The following NRK variants were observed in gnomAD, a reference collection of about 807,000 sequenced individuals.
NRK encodes nik-related protein kinase.
Under a neutral mutation model 125.2 loss-of-function variants are expected in NRK, and 67 were observed. That is an observed-to-expected ratio of 0.54 (90% confidence interval 0.44 to 0.66). The LOEUF is 0.66. Among genes scored for constraint, NRK ranks in the 30% least tolerant of loss-of-function variants. The pLI, the probability that NRK is intolerant of heterozygous loss-of-function variation, is 0.00. For missense variants in NRK, 1,224 were observed against 1,192.9 expected, an observed-to-expected ratio of 1.03 and a Z score of -0.38; for synonymous variants, 458 against 429.0, an observed-to-expected ratio of 1.07 and a Z score of -0.84.
At chrX:105,875,550 A>T (rs1357223916) in intron 2 of NRK, among the ~76,000 whole-genome samples, 1 of 111,373 alleles carries the variant, frequency 9.0e-6, no homozygotes, top group Admixed American at 9.6e-5. Context: ...GACAGGACTT[A>T]ATAAATAATT....
At chrX:105,882,245 C>T (rs1428045413) in intron 4 of NRK, among the ~76,000 whole-genome samples, 2 of 109,247 alleles carry the variant, frequency 1.8e-5, no homozygotes, top group Non-Finnish European at 1.9e-5. Flanking sequence ...GAATGCCCCA[C>T]GTGCCCACCC....
At chrX:105,940,573 T>A (rs2147788755) in intron 23 of NRK, among the ~76,000 whole-genome samples, 1 of 111,381 alleles carries the variant, frequency 9.0e-6, no homozygotes, top group African/African-American at 3.3e-5. Flanking sequence ...CTGTTGATAT[T>A]AATGAATATA....
chrX:105,951,357 G>C, intron 27 of NRK, among the ~76,000 whole-genome samples: 1 of 110,975 alleles, frequency 9.0e-6, no homozygotes, highest in Non-Finnish European at 1.9e-5. Context: ...TCCTCAGACA[G>C]GACAACTTCT....
chrX:105,922,076 TAAC>T lies in NRK; in HGVS notation c.2610+17_2610+19del, dbSNP rs779763794. ...TTGACATCCATGTAAGTTTCCATCT[TAAC>T]ACATTAATGTCTATTATTTTTTATT... On this transcript the variant is annotated intron_variant, in intron 17 of 28. Transcript: ENST00000243300. 6.1e-6 allele frequency: 5 copies of T among 820,573 alleles called. No individual in the cohort carries two copies. The African/African-American group carries it at 1.0e-4, about 17-fold the overall frequency. 67.6% of individuals were successfully genotyped at this position (820,573 alleles called of 1,213,427 possible).
chrX:105,827,836 C>T (rs1353350166), intron 1 of NRK, among the ~76,000 whole-genome samples: 1 of 112,011 alleles, frequency 8.9e-6, no homozygotes, highest in Non-Finnish European at 1.9e-5. Flanking sequence ...GACATCAAGA[C>T]ATACCAAACC....
intron 19 of NRK, among the ~76,000 whole-genome samples, chrX:105,928,888 T>C (rs1242445103): frequency 8.9e-6 from 1 of 111,899 alleles, no homozygotes; most frequent in Admixed American, 9.5e-5. Flanking sequence ...TTGAGACTTG[T>C]TTTGTGTCCC....
rs761212430 is a variant in NRK at position 105,905,247 on chromosome X, A to G, written c.767-18A>G. 127 of 1,168,608 alleles carry G rather than the reference A, an allele frequency of 1.1e-4. 1 individual carries two copies. The East Asian group carries it at 3.7e-3, about 34-fold the overall frequency. On this transcript the variant is annotated intron_variant, in intron 9 of 28. Transcript: ENST00000243300. ...TACCCTTCTCATTCTTTCTAAATTT[A>G]TCTATTTCCCTTTGCAGCTCTGTGT...
intron 2 of NRK, among the ~76,000 whole-genome samples, chrX:105,870,599 T>C (rs1204061555): frequency 8.9e-6 from 1 of 112,061 alleles, no homozygotes; most frequent in Non-Finnish European, 1.9e-5. Flanking sequence ...TTTTGTACAA[T>C]TCGTCATTTG....
At chrX:105,934,593 A>G (rs946331827) in intron 20 of NRK, 149 bp downstream of exon 20, 1 of 395,636 alleles carries the variant, frequency 2.5e-6, no homozygotes, top group East Asian at 4.3e-5. Context: ...TAAAACATCT[A>G]CTCTTTACTG....
At chrX:105,851,237 G>A in intron 2 of NRK, among the ~76,000 whole-genome samples, 1 of 112,164 alleles carries the variant, frequency 8.9e-6, no homozygotes, top group Non-Finnish European at 1.9e-5. Context: ...AAATGCAAAT[G>A]CTCATGACCC....
chrX:105,910,609 G>A (rs1396444974), intron 13 of NRK, among the ~76,000 whole-genome samples: 1 of 112,168 alleles, frequency 8.9e-6, no homozygotes, highest in African/African-American at 3.2e-5. Flanking sequence ...TTAATGATCA[G>A]CAGGGCATGG....
intron 2 of NRK, among the ~76,000 whole-genome samples, chrX:105,849,826 G>C (rs1440368516): frequency 3.6e-5 from 4 of 112,131 alleles, no homozygotes; most frequent in Non-Finnish European, 7.5e-5. Flanking sequence ...TGGCTTTGCA[G>C]GGTACATATT....
Position 105,854,054 on chromosome X carries a change from A to G in NRK, c.123+22935A>G, listed in dbSNP as rs2039504040. ...GTACAATGGTTTGGAGTACTGTAAC[A>G]GCATTCTGCAGTAAATTTCCCAGTG... On this transcript the variant is annotated intron_variant, in intron 2 of 28. Transcript: ENST00000243300. 2.7e-5 allele frequency among the ~76,000 whole-genome samples: 3 copies of G among 111,850 alleles called. No individual in the cohort carries two copies. In the South Asian group the frequency reaches 1.1e-3, roughly 42 times the overall value.
Position 105,929,153 on chromosome X carries a change from T to A in NRK, c.3312+4122T>A, listed in dbSNP as rs1427679311. On this transcript the variant is annotated intron_variant, in intron 19 of 28. Transcript: ENST00000243300. The stretch of plus-strand genomic sequence containing the variant: ...GATGCAATAATATTTGCTTTTTATA[T>A]CTGGGTACTCTAGTGTTTGGTCCAT... Among the ~76,000 whole-genome samples the A allele has an allele frequency of 2.7e-5, 3 of 111,834 alleles. No homozygotes were observed. In the East Asian group the frequency reaches 8.4e-4, roughly 31 times the overall value.
intron 15 of NRK, among the ~76,000 whole-genome samples, chrX:105,916,646 T>C (rs1183464116): frequency 9.0e-6 from 1 of 111,580 alleles, no homozygotes; most frequent in Non-Finnish European, 1.9e-5. Context: ...TCTTGAAAAA[T>C]TGTAAAGCAA....
At chrX:105,934,049 C>G (rs2040629577) in intron 19 of NRK, among the ~76,000 whole-genome samples, 1 of 111,420 alleles carries the variant, frequency 9.0e-6, no homozygotes, top group African/African-American at 3.3e-5. Context: ...TAGCTCCTTG[C>G]TTTTCTCCTG....
At chrX:105,955,159 A>G (rs949845413) in intron 28 of NRK, among the ~76,000 whole-genome samples, 23 of 112,017 alleles carry the variant, frequency 2.1e-4, no homozygotes, top group African/African-American at 6.1e-4. Context: ...TATTAAAAGA[A>G]AAGCCAACTG....
intron 2 of NRK, among the ~76,000 whole-genome samples, chrX:105,834,546 C>T (rs2147643987): frequency 9.1e-6 from 1 of 110,336 alleles, no homozygotes; most frequent in East Asian, 2.8e-4. Context: ...TGTGGTTTGA[C>T]ATATTTCATT....
chrX:105,831,098 T>C lies in NRK; in HGVS notation c.102T>C (p.Gly34=). The C allele has an allele frequency of 2.1e-5, 24 of 1,139,881 alleles. No individual in the cohort carries two copies. Among genetic ancestry groups the C allele is most frequent in the Non-Finnish European group, 2.9e-5 (24 of 834,507 alleles). 93.9% of individuals were successfully genotyped at this position (1,139,881 alleles called of 1,213,427 possible). Reference sequence around the variant, plus strand: ...CACTAGATAAAACCATTGGCCTTGGTACTTATGGCAGAATCTATTTGGTAA... The same window carrying C: ...CACTAGATAAAACCATTGGCCTTGGCACTTATGGCAGAATCTATTTGGTAA... ...IFSLDKTIGL[G]TYGRIYLGLH... Residue 34 remains glycine (G), a synonymous_variant, in exon 2 of 29, where the codon GGT becomes GGC. Transcript: ENST00000243300.
Sources: allele counts gnomAD v4.1 joint callset (sites outside exome capture counted in the v4.1 genomes callset), GRCh38; gene constraint gnomAD v4.1.1; transcripts MANE v1.5; gene names NCBI Gene and HGNC (gene_info 2026-07-23, HGNC 2026-07-21).